DCTN4: variants seen among roughly 807,000 people sequenced by gnomAD.
The protein encoded by DCTN4 is dynactin 4 (p62).
A neutral mutation model predicts 62.7 loss-of-function variants in DCTN4; 23 were observed. The observed-to-expected ratio is 0.37, with a 90% CI of 0.26 to 0.52. DCTN4 has a LOEUF of 0.52. Ranked by LOEUF, DCTN4 falls within the 20% of genes least tolerant of loss-of-function variation. The pLI, the probability that DCTN4 is intolerant of heterozygous loss-of-function variation, is 0.92. For missense variants in DCTN4, 514 were observed against 580.4 expected (o/e 0.89, Z 1.18); for synonymous variants, 199 against 202.1 (o/e 0.98, Z 0.13).
chr5:150,733,336 T>C (rs1760454364), intron 5 of DCTN4, 32 bp downstream of exon 5: 1 of 1,506,220 alleles, frequency 6.6e-7, no homozygotes, highest in Non-Finnish European at 9.2e-7. Context: ...GCCTTAGAGG[T>C]CTTGCAAATC....
chr5:150,729,026 T>C (rs1760255957), intron 8 of DCTN4, among the ~76,000 whole-genome samples: 1 of 143,104 alleles, frequency 7.0e-6, no homozygotes, highest in Admixed American at 7.3e-5. Flanking sequence ...TACAAGTGTG[T>C]GAACCACCAC....
chr5:150,758,884 C>A lies in DCTN4; in HGVS notation c.110G>T (p.Arg37Leu). 1 of 1,614,118 alleles carries A rather than the reference C, an allele frequency of 6.2e-7. No individual in the cohort carries two copies. Among genetic ancestry groups the A allele is most frequent in the Non-Finnish European group, 8.5e-7 (1 of 1,180,010 alleles). The change falls in exon 1 of 13, where the codon CGG (arginine) becomes CTG (leucine). Residue 37 changes from arginine to leucine, a missense_variant. By Grantham distance (102) the Arg-to-Leu change is moderately radical. Coordinates refer to ENST00000447998, the MANE Select transcript of DCTN4 (RefSeq NM_016221.4). ...LYFCRYCSEL[R>L]SLECVSHEVD... Reference sequence around the variant, plus strand: ...CTCGTGAGACACACATTCCAGCGACCGCAGTTCGCTACAATAGCGGCAGAA... The same window carrying A: ...CTCGTGAGACACACATTCCAGCGACAGCAGTTCGCTACAATAGCGGCAGAA...
intron 12 of DCTN4, among the ~76,000 whole-genome samples, chr5:150,712,648 A>G (rs1759611973): frequency 6.6e-6 from 1 of 152,234 alleles, no homozygotes; most frequent in African/African-American, 2.4e-5. Context: ...GGAACACCAT[A>G]AATCAAGAAT....
intron 3 of DCTN4, among the ~76,000 whole-genome samples, chr5:150,748,786 G>T (rs1752556976): frequency 8.5e-6 from 1 of 117,108 alleles, no homozygotes; most frequent in African/African-American, 3.0e-5. Flanking sequence ...GGGGACTGTT[G>T]TGGGGTGGGG....
intron 8 of DCTN4, among the ~76,000 whole-genome samples, chr5:150,724,549 C>G (rs1760070368): frequency 6.6e-6 from 1 of 152,154 alleles, no homozygotes; most frequent in Non-Finnish European, 1.5e-5. Flanking sequence ...AGGTATTCTC[C>G]TCTATTTCCT....
In DCTN4 at chr5:150,730,732, G is replaced by A. The variant is rs199740299; in HGVS notation, c.733C>T (p.Leu245Phe). The change falls in exon 8 of 13, where the codon CTT becomes TTT. Residue 245 changes from leucine to phenylalanine, a missense_variant. By Grantham distance (22) the Leu-to-Phe change is conservative (BLOSUM62 0). Coordinates refer to ENST00000447998, the MANE Select transcript of DCTN4 (RefSeq NM_016221.4). ...TCAGGCTGTAACAGACGCTGCTGAA[G>A]GGTTGTTACTAGAAAGAAAGGCAGA... is the stretch of plus-strand genomic sequence containing the variant. ...RPVNLTEVTT[L>F]QQRLLQPDFQ... The A allele has an allele frequency of 9.9e-6, 16 of 1,613,724 alleles. No individual in the cohort carries two copies. The highest frequency in any genetic ancestry group is 5.0e-5 in the Admixed American group (3 of 59,990).
intron 1 of DCTN4, chr5:150,758,523 T>C: frequency 9.9e-7 from 1 of 1,013,560 alleles, no homozygotes; most frequent in Non-Finnish European, 1.2e-6. Context: ...AAGGCAGTTT[T>C]TCGCCCCTTA....
chr5:150,740,973 C>A (rs912046755), intron 4 of DCTN4, among the ~76,000 whole-genome samples: 5 of 152,010 alleles, frequency 3.3e-5, no homozygotes, highest in Admixed American at 6.6e-5. Flanking sequence ...GATAGGTACA[C>A]CAAAATCTCA....
At chr5:150,750,125 A>T (rs1752622288) in intron 3 of DCTN4, among the ~76,000 whole-genome samples, 1 of 152,132 alleles carries the variant, frequency 6.6e-6, no homozygotes, top group African/African-American at 2.4e-5. Context: ...GGGGGACAGA[A>T]ATGTTGTGTA....
intron 3 of DCTN4, among the ~76,000 whole-genome samples, chr5:150,748,054 TA>T: frequency 6.6e-6 from 1 of 151,166 alleles, no homozygotes; most frequent in Non-Finnish European, 1.5e-5. Flanking sequence ...GACAAAGGGC[TA>T]AGATCCAGAA....
chr5:150,751,452 C>T (rs895738866), intron 3 of DCTN4, among the ~76,000 whole-genome samples: 3 of 152,226 alleles, frequency 2.0e-5, no homozygotes, highest in Admixed American at 6.5e-5. Context: ...GAGAAATCTA[C>T]TTGGATTTCC....
At position 150,756,506 on chromosome 5, in the gene DCTN4, GAA is replaced by G; in HGVS notation, c.136-21_136-20del. On this transcript the variant is annotated intron_variant, in intron 1 of 12. Transcript: ENST00000447998. ...AGTCCACCTAGGAGGAAACAAGAAA[GAA>G]AAAAAAAACCAGAGGAGAACTCAGT... 7.2e-7 allele frequency: 1 copy of G among 1,394,948 alleles called. No individual in the cohort carries two copies. Among genetic ancestry groups the G allele is most frequent in the Non-Finnish European group, 9.7e-7 (1 of 1,034,782 alleles). The allele number at this position is 1,394,948 out of a possible 1,614,324, so 86.4% of individuals were successfully genotyped here.
chr5:150,758,632 A>G (rs1331192888), intron 1 of DCTN4: 3 of 1,253,380 alleles, frequency 2.4e-6, no homozygotes, highest in East Asian at 3.2e-5. Flanking sequence ...AGTTTGTCCA[A>G]TCAGAGGCCG....
intron 3 of DCTN4, among the ~76,000 whole-genome samples, chr5:150,744,452 A>ACTC (rs1386127552): frequency 6.6e-6 from 1 of 151,952 alleles, no homozygotes; most frequent in African/African-American, 2.4e-5. Context: ...CCACAAAGAT[A>ACTC]CTCCTCAAGA....
intron 4 of DCTN4, chr5:150,736,244 C>T (rs1760577790): frequency 6.6e-6 from 1 of 152,136 alleles, no homozygotes; most frequent in Non-Finnish European, 1.5e-5. Context: ...CATCCAAATA[C>T]AAGAAGCTCA....
chr5:150,747,226 T>C (rs1000422357), intron 3 of DCTN4, among the ~76,000 whole-genome samples: 1 of 152,118 alleles, frequency 6.6e-6, no homozygotes, highest in Non-Finnish European at 1.5e-5. Flanking sequence ...GGAATCCAAC[T>C]TACAAGGGAC....
At chr5:150,723,104 A>C in intron 8 of DCTN4, 124 bp from the exon 9 acceptor site, 1 of 677,610 alleles carries the variant, frequency 1.5e-6, no homozygotes, top group South Asian at 2.0e-5. Context: ...CTGCTATAAG[A>C]CCATATGTTT....
intron 11 of DCTN4, 65 bp from the exon 12 acceptor site, chr5:150,715,727 G>T: frequency 7.6e-7 from 1 of 1,307,432 alleles, no homozygotes; most frequent in South Asian, 1.2e-5. Flanking sequence ...AGCAAAGTAC[G>T]ACATTGATTT....
At chr5:150,719,298 G>A (rs1397811029) in intron 10 of DCTN4, among the ~76,000 whole-genome samples, 2 of 148,706 alleles carry the variant, frequency 1.3e-5, no homozygotes, top group Non-Finnish European at 2.9e-5. Context: ...AATTCACTGG[G>A]TGTGTGTGTG....
Sources: allele counts gnomAD v4.1 joint callset (sites outside exome capture counted in the v4.1 genomes callset), GRCh38; gene constraint gnomAD v4.1.1; transcripts MANE v1.5; gene names NCBI Gene and HGNC (gene_info 2026-07-23, HGNC 2026-07-21).